Variants in PCDHGA1 observed in about 807,000 individuals in gnomAD.
PCDHGA1 encodes protocadherin gamma subfamily A, 1.
Under a neutral mutation model 58.0 loss-of-function variants are expected in PCDHGA1, and 32 were observed. That is an observed-to-expected ratio of 0.55 (90% CI 0.42 to 0.74). The LOEUF (loss-of-function observed/expected upper bound fraction) is 0.74. Among genes scored for constraint, PCDHGA1 ranks in the 30% least tolerant of loss-of-function variants. The pLI, the probability that PCDHGA1 is intolerant of heterozygous loss-of-function variation, is 0.00. For missense variants in PCDHGA1, 1,205 were observed against 1,182.3 expected (o/e 1.02, Z -0.28); for synonymous variants, 498 against 501.1 (o/e 0.99, Z 0.08).
intron 1 of PCDHGA1, among the ~76,000 whole-genome samples, chr5:141,462,941 G>A (rs1667222225): frequency 6.6e-6 from 1 of 152,158 alleles, no homozygotes; most frequent in Non-Finnish European, 1.5e-5. Flanking sequence ...TTCAAGGCTT[G>A]TTTTTAAGCT....
chr5:141,421,469 G>T (rs767500900), intron 1 of PCDHGA1: 1 of 1,614,122 alleles, frequency 6.2e-7, no homozygotes, highest in South Asian at 1.1e-5. Flanking sequence ...GTGAATCCGC[G>T]AAGCGGCAGC....
At position 141,490,219 on chromosome 5, in the gene PCDHGA1, C is replaced by T. The variant is rs771985398; in HGVS notation, c.2422-4588C>T. 2.5e-5 allele frequency: 41 copies of T among 1,614,094 alleles called. No individual in the cohort carries two copies. The highest frequency in any genetic ancestry group is 3.3e-5 in the Non-Finnish European group (39 of 1,180,038). On this transcript the variant is annotated intron_variant, in intron 1 of 3. Coordinates refer to ENST00000517417, the MANE Select transcript of PCDHGA1 (RefSeq NM_018912.3). This position sits in a 1 kb window ranked among gnomAD's most constrained non-coding sequence, Gnocchi z 5.4. ...TCATGCAAGAGCCCGTGACCAGGGA[C>T]AGCCTGCCATGGAGGGCCACTGTGT... is the stretch of plus-strand genomic sequence containing the variant.
chr5:141,456,975 A>T (rs1240583336), intron 1 of PCDHGA1, among the ~76,000 whole-genome samples: 1 of 152,178 alleles, frequency 6.6e-6, no homozygotes, highest in East Asian at 1.9e-4. Flanking sequence ...AACAAAACAA[A>T]CAAACAAACA....
chr5:141,373,338 G>T (rs1251212812), intron 1 of PCDHGA1, among the ~76,000 whole-genome samples: 1 of 152,166 alleles, frequency 6.6e-6, no homozygotes, highest in Non-Finnish European at 1.5e-5. Context: ...ATCTAAAATG[G>T]CAACTCTTGT....
chr5:141,410,358 T>C, intron 1 of PCDHGA1: 2 of 1,614,070 alleles, frequency 1.2e-6, no homozygotes, highest in Non-Finnish European at 8.5e-7. Flanking sequence ...CGACGCTCTC[T>C]CAGCCCTGCT....
chr5:141,366,571 G>A (rs1764656817), intron 1 of PCDHGA1: 4 of 1,614,112 alleles, frequency 2.5e-6, no homozygotes, highest in South Asian at 2.2e-5. Flanking sequence ...ATGGGGTTCG[G>A]GCTTTCCTGC....
intron 3 of PCDHGA1, among the ~76,000 whole-genome samples, chr5:141,509,422 G>A (rs1181133903): frequency 3.3e-5 from 5 of 152,136 alleles, no homozygotes; most frequent in Non-Finnish European, 5.9e-5. Flanking sequence ...GCCCCAATGA[G>A]TCAAACTCTT....
intron 1 of PCDHGA1, among the ~76,000 whole-genome samples, chr5:141,472,267 C>T (rs547832378): frequency 6.6e-5 from 10 of 152,216 alleles, no homozygotes; most frequent in African/African-American, 2.4e-4. Context: ...TATAGCCGGG[C>T]ACAGTGGCTC....
chr5:141,469,206 AG>A (rs1457933263), intron 1 of PCDHGA1, among the ~76,000 whole-genome samples: 1 of 150,920 alleles, frequency 6.6e-6, no homozygotes, highest in African/African-American at 2.4e-5. Context: ...AGCCTTTTGA[AG>A]TTGAGGCTTC....
intron 1 of PCDHGA1, chr5:141,397,930 G>C (rs898785209): frequency 5.2e-6 from 4 of 775,998 alleles, no homozygotes; most frequent in Non-Finnish European, 8.1e-6. Flanking sequence ...TCGCGCAGCC[G>C]CAGCGCGCTT....
chr5:141,376,506 A>C (rs773992139), intron 1 of PCDHGA1: 1 of 1,614,126 alleles, frequency 6.2e-7, no homozygotes, highest in African/African-American at 1.3e-5. Flanking sequence ...AGGCAACTTC[A>C]GGTGAGTTTC....
intron 1 of PCDHGA1, chr5:141,414,381 T>A: frequency 6.2e-7 from 1 of 1,613,866 alleles, no homozygotes. Context: ...AAAAGTCCAT[T>A]GACAGTTATT....
At position 141,431,213 on chromosome 5, in the gene PCDHGA1, T is replaced by A; in HGVS notation, c.2422-63594T>A. 6.2e-7 allele frequency: 1 copy of A among 1,614,142 alleles called. No individual in the cohort carries two copies. The highest frequency in any genetic ancestry group is 8.5e-7 in the Non-Finnish European group (1 of 1,180,038). On this transcript the variant is annotated intron_variant, in intron 1 of 3. Coordinates refer to ENST00000517417, the MANE Select transcript of PCDHGA1 (RefSeq NM_018912.3). The surrounding 1 kb of genome is among the most constrained non-coding windows in gnomAD (Gnocchi z 4.8). ...TGAAAATGCAGCCACTGAGATGCGG[T>A]TCCCTCTACCCCACGCCTGGGATCC...
intron 1 of PCDHGA1, chr5:141,385,549 C>G (rs2090279237): frequency 7.6e-7 from 1 of 1,316,048 alleles, no homozygotes; most frequent in Non-Finnish European, 9.7e-7. Context: ...TGGACTATCA[C>G]ATTTTATAAT....
chr5:141,405,444 G>A, intron 1 of PCDHGA1: 1 of 1,379,466 alleles, frequency 7.2e-7, no homozygotes, highest in South Asian at 1.3e-5. Flanking sequence ...TTTTGAGACA[G>A]AGTCTTACTC....
intron 1 of PCDHGA1, chr5:141,419,230 C>G (rs1439568232): frequency 6.2e-7 from 1 of 1,613,910 alleles, no homozygotes; most frequent in Non-Finnish European, 8.5e-7. Context: ...AGTCAGCCTA[C>G]CTGGTCCACG....
chr5:141,411,193 AAAAC>A (rs1267742802), intron 1 of PCDHGA1: 2 of 152,212 alleles, frequency 1.3e-5, no homozygotes, highest in African/African-American at 4.8e-5. Flanking sequence ...GGCATCTAAG[AAAAC>A]AAACAAGTAA....
At chr5:141,344,678 T>TG (rs753632432) in intron 1 of PCDHGA1, 1 of 1,614,018 alleles carries the variant, frequency 6.2e-7, no homozygotes, top group South Asian at 1.1e-5. Context: ...TGGTTGCCTC[T>TG]GATGGTGGCG....
chr5:141,395,162 G>C, intron 1 of PCDHGA1: 1 of 1,614,148 alleles, frequency 6.2e-7, no homozygotes, highest in Non-Finnish European at 8.5e-7. Flanking sequence ...TCAGTCAGGA[G>C]GGCTGTGAGA....
Sources: gnomAD v4.1 joint callset for allele counts (sites outside exome capture counted in the v4.1 genomes callset) on GRCh38, gnomAD v4.1.1 for gene constraint, Gnocchi (gnomAD v3.1) non-coding constraint, MANE v1.5 for transcripts, NCBI Gene and HGNC (gene_info 2026-07-23, HGNC 2026-07-21) for gene names.